The following KLHL36 variants were observed in gnomAD, a reference collection of about 807,000 sequenced individuals.
The protein encoded by KLHL36 is kelch like family member 36.
In KLHL36, 35 loss-of-function variants were observed where a neutral mutation model predicts 53.3. The ratio of observed to expected loss-of-function variants is 0.66; its 90% CI spans 0.50 to 0.87. The LOEUF (loss-of-function observed/expected upper bound fraction) is 0.87, where lower values mean the gene tolerates loss of function less well. Ranked by LOEUF, KLHL36 falls within the 40% of genes least tolerant of loss-of-function variation. The probability of loss-of-function intolerance (pLI) is 0.00; values close to 1 mark genes in which losing one functional copy is unlikely to be tolerated. For synonymous variants in KLHL36, 472 were observed against 398.9 expected (o/e 1.18, Z -2.18); for missense variants, 864 against 897.6 (o/e 0.96, Z 0.48).
chr16:84,661,515 C>G lies in KLHL36; in HGVS notation c.1296-63C>G, dbSNP rs1176697102. Reference sequence around the variant, plus strand: ...TAAGACGGCAGGCTGTTCCCCGGCTCGGAGGGGGTAAGCCTGGCACAGCCC... The same window carrying G: ...TAAGACGGCAGGCTGTTCCCCGGCTGGGAGGGGGTAAGCCTGGCACAGCCC... On this transcript the variant is annotated intron_variant, in intron 4 of 4. Transcript: ENST00000564996. This position sits in a 1 kb window ranked among gnomAD's most constrained non-coding sequence, Gnocchi z 7.9. 19 of 1,482,718 alleles carry G rather than the reference C, an allele frequency of 1.3e-5. No individual in the cohort carries two copies. The South Asian group carries it at 2.5e-4, about 19-fold the overall frequency. The allele number at this position is 1,482,718 out of a possible 1,614,324, so 91.8% of individuals were successfully genotyped here.
chr16:84,658,004 A>C (rs1907325111), intron 3 of KLHL36, 60 bp downstream of exon 3: 1 of 1,284,452 alleles, frequency 7.8e-7, no homozygotes, highest in South Asian at 1.7e-5. Context: ...TCCTTAACCT[A>C]GCCTTGACTT....
intron 3 of KLHL36, 128 bp downstream of exon 3, chr16:84,658,072 A>C: frequency 1.3e-6 from 1 of 752,100 alleles, no homozygotes; most frequent in Non-Finnish European, 2.1e-6. Context: ...TGTGATGATA[A>C]AGTGACGAGC....
Position 84,648,521 on chromosome 16 carries a change from C to T in KLHL36, c.-145C>T, listed in dbSNP as rs1184508785. 1 of 147,332 alleles carries T rather than the reference C, an allele frequency of 6.8e-6. No individual in the cohort carries two copies. Among genetic ancestry groups the T allele is most frequent in the Non-Finnish European group, 1.5e-5 (1 of 65,860 alleles). 9.1% of individuals were successfully genotyped at this position (147,332 alleles called of 1,614,324 possible). A position where few individuals can be genotyped will look rare whatever the true frequency, so the allele number is the denominator to read the frequency against. ...CGCGCCGCCTCCGCCCTCGGCCTCGCACTTCCTGGCGGAGCCATGGCTGCG... is the reference window on the plus strand; with the variant it reads ...CGCGCCGCCTCCGCCCTCGGCCTCGTACTTCCTGGCGGAGCCATGGCTGCG... On this transcript the variant is annotated 5_prime_UTR_variant, in exon 1 of 5. Coordinates refer to ENST00000564996, the MANE Select transcript of KLHL36 (RefSeq NM_024731.4). This position sits in a 1 kb window ranked among gnomAD's most constrained non-coding sequence, Gnocchi z 4.9.
chr16:84,655,107 A>G (rs1317658269), intron 2 of KLHL36, among the ~76,000 whole-genome samples: 2 of 152,248 alleles, frequency 1.3e-5, no homozygotes, highest in East Asian at 3.8e-4. Context: ...CCAGCCTGGA[A>G]TGGAAGAGCG....
rs79610925 is a variant in KLHL36 at position 84,662,440 on chromosome 16, G to A, written c.*307G>A. On this transcript the variant is annotated 3_prime_UTR_variant, in exon 5 of 5. Coordinates refer to ENST00000564996, the MANE Select transcript of KLHL36 (RefSeq NM_024731.4). ...CTGTCCCCCTGAGAGTAGCTGGCAC[G>A]TGGGTAACACAGAAATTTCTGTAGT... is the stretch of plus-strand genomic sequence containing the variant. The A allele has an allele frequency of 0.013, 3,163 of 243,356 alleles. 30 individuals are homozygous for A. Among genetic ancestry groups the A allele is most frequent in the Non-Finnish European group, 0.019 (2,367 of 125,502 alleles). The allele number at this position is 243,356 out of a possible 1,614,324, so 15.1% of individuals were successfully genotyped here.
rs1378934424 is a variant in KLHL36, at chr16:84,661,216, T to G, written c.1296-362T>G. Among the ~76,000 whole-genome samples the G allele has an allele frequency of 2.0e-5, 3 of 152,214 alleles. No individual in the cohort carries two copies. The highest frequency in any genetic ancestry group is 2.9e-5 in the Non-Finnish European group (2 of 68,046). ...TGTATGTCGTATTTCCTCTTTGATG[T>G]GTGATTCATCGGGTGCATGTGTGCC... On this transcript the variant is annotated intron_variant, in intron 4 of 4. Transcript: ENST00000564996. The surrounding 1 kb of genome is among the most constrained non-coding windows in gnomAD (Gnocchi z 7.9).
rs990596501 is a variant in KLHL36, at chr16:84,663,482, G to A, written c.*1349G>A. 2.6e-5 allele frequency: 4 copies of A among 152,090 alleles called. No individual in the cohort carries two copies. Among genetic ancestry groups the A allele is most frequent in the African/African-American group, 9.7e-5 (4 of 41,378 alleles). 9.4% of individuals were successfully genotyped at this position (152,090 alleles called of 1,614,324 possible). A position where few individuals can be genotyped will look rare whatever the true frequency, so the allele number is the denominator to read the frequency against. On this transcript the variant is annotated 3_prime_UTR_variant, in exon 5 of 5. Coordinates refer to ENST00000564996, the MANE Select transcript of KLHL36 (RefSeq NM_024731.4). ...TGCAGAACTATGGGAGGATAGGAGT[G>A]TGATGGGTTTTAAGCATGAGCCAAG... is the stretch of plus-strand genomic sequence containing the variant.
intron 4 of KLHL36, among the ~76,000 whole-genome samples, chr16:84,660,648 G>GTC (rs1907493580): frequency 6.6e-6 from 1 of 152,104 alleles, no homozygotes. Flanking sequence ...CTGAGAGAGA[G>GTC]TCTCTCTCTG....
chr16:84,662,082 G>C lies in KLHL36; in HGVS notation c.1800G>C (p.Glu600Asp). 7 of 1,574,072 alleles carry C rather than the reference G, an allele frequency of 4.4e-6. No individual in the cohort carries two copies. The highest frequency in any genetic ancestry group is 6.0e-6 in the Non-Finnish European group (7 of 1,158,458). Residue 600 changes from glutamate to aspartate, a missense_variant, in exon 5 of 5, where the codon GAG becomes GAC. Transcript: ENST00000564996. ...ACVCALEPRP[E>D]DKKKKGKGKR... Reference sequence around the variant, plus strand: ...TCTGCGCCCTGGAGCCACGGCCAGAGGACAAGAAGAAGAAAGGCAAAGGCA... The same window carrying C: ...TCTGCGCCCTGGAGCCACGGCCAGACGACAAGAAGAAGAAAGGCAAAGGCA...
Position 84,661,459 on chromosome 16 carries a change from C to G in KLHL36, c.1296-119C>G. 1 of 995,630 alleles carries G rather than the reference C, an allele frequency of 1.0e-6. No homozygotes were observed. Among genetic ancestry groups the G allele is most frequent in the Non-Finnish European group, 1.5e-6 (1 of 675,006 alleles). The allele number at this position is 995,630 out of a possible 1,614,324, so 61.7% of individuals were successfully genotyped here. ...CTATAGAGTGTTCATGGGGTGCCCA[C>G]TCCCTATATTCTTAAATCCTCATGG... On this transcript the variant is annotated intron_variant, in intron 4 of 4. Transcript: ENST00000564996. The surrounding 1 kb of genome is among the most constrained non-coding windows in gnomAD (Gnocchi z 7.9).
Position 84,657,776 on chromosome 16 carries a change from G to A in KLHL36, c.969G>A (p.Glu323=), listed in dbSNP as rs768258861. The A allele has an allele frequency of 3.1e-6, 5 of 1,610,698 alleles. No individual in the cohort carries two copies. The South Asian group carries it at 4.4e-5, about 14-fold the overall frequency. The change falls in exon 3 of 5, where the codon GAG becomes GAA. Residue 323 remains glutamate, a synonymous_variant. Coordinates refer to ENST00000564996, the MANE Select transcript of KLHL36 (RefSeq NM_024731.4). ...DDTCYLDAKS[E]QWVKETPLPA... ...CCTGCTACCTGGACGCCAAGAGCGA[G>A]CAGTGGGTCAAAGAGACGCCGCTGC...
chr16:84,654,202 G>A (rs560929259), intron 2 of KLHL36, among the ~76,000 whole-genome samples: 15 of 152,338 alleles, frequency 9.8e-5, no homozygotes, highest in East Asian at 7.7e-4. Flanking sequence ...GCAGATAGCC[G>A]CCTCATGCCC....
rs1423784227 is a variant in KLHL36 at position 84,667,070 on chromosome 16, A to AAAAGAAAAGG, written c.*4940_*4941insGAAAAGGAAA. The stretch of plus-strand genomic sequence containing the variant: ...GAGTAAGACTGTCTCAAAAAAAAAA[A>AAAAGAAAAGG]AAAAAAAGAAAAGAAATTGTCCTTT... On this transcript the variant is annotated 3_prime_UTR_variant, in exon 5 of 5. Coordinates refer to ENST00000564996, the MANE Select transcript of KLHL36 (RefSeq NM_024731.4). The AAAAGAAAAGG allele has an allele frequency of 1.7e-4, 7 of 40,582 alleles. No homozygotes were observed. The highest frequency in any genetic ancestry group is 1.2e-3 in the African/African-American group (7 of 5,958). 2.5% of individuals were successfully genotyped at this position (40,582 alleles called of 1,614,324 possible).
Position 84,661,972 on chromosome 16 carries a change from A to G in KLHL36, c.1690A>G (p.Thr564Ala). ...YSWENTAFSK[T>A]VQVYDREADK... ...CTGGGAGAACACTGCCTTCTCCAAG[A>G]CCGTGCAGGTGTACGACCGCGAGGC... The change falls in exon 5 of 5, where the codon ACC becomes GCC. Residue 564 changes from threonine to alanine, a missense_variant. Thr to Ala is a moderately conservative substitution (Grantham distance 58). Coordinates refer to ENST00000564996, the MANE Select transcript of KLHL36 (RefSeq NM_024731.4). This position sits in a 1 kb window ranked among gnomAD's most constrained non-coding sequence, Gnocchi z 7.9. 3 of 1,599,302 alleles carry G rather than the reference A, an allele frequency of 1.9e-6. No homozygotes were observed. Among genetic ancestry groups the G allele is most frequent in the Non-Finnish European group, 2.6e-6 (3 of 1,174,214 alleles).
At position 84,648,793 on chromosome 16, in the gene KLHL36, G is replaced by A. The variant is rs1049908934; in HGVS notation, c.-17+144G>A. 3 of 149,246 alleles carry A rather than the reference G, an allele frequency of 2.0e-5. No individual in the cohort carries two copies. Among genetic ancestry groups the A allele is most frequent in the African/African-American group, 7.3e-5 (3 of 41,064 alleles). The allele number at this position is 149,246 out of a possible 1,614,324, so 9.2% of individuals were successfully genotyped here. Reference sequence around the variant, plus strand: ...TGCGCCCCTTGGTGCCGGGGCGGGCGGGTGGGCGAGTGGGGGCGCCGCGGC... The same window carrying A: ...TGCGCCCCTTGGTGCCGGGGCGGGCAGGTGGGCGAGTGGGGGCGCCGCGGC... On this transcript the variant is annotated intron_variant, in intron 1 of 4. Transcript: ENST00000564996. The surrounding 1 kb of genome is among the most constrained non-coding windows in gnomAD (Gnocchi z 4.9).
intron 3 of KLHL36, chr16:84,659,079 G>C (rs1907392204): frequency 6.6e-6 from 1 of 152,162 alleles, no homozygotes; most frequent in Non-Finnish European, 1.5e-5. Context: ...TCGGCTAATT[G>C]CAACCTCTGC....
intron 2 of KLHL36, among the ~76,000 whole-genome samples, 159 bp from the exon 3 acceptor site, chr16:84,656,712 C>T (rs768226819): frequency 4.0e-5 from 6 of 151,646 alleles, no homozygotes; most frequent in Non-Finnish European, 5.9e-5. Flanking sequence ...CACAGGCATA[C>T]TCAGAAACAC....
chr16:84,660,868 C>T (rs1907506287), intron 4 of KLHL36, among the ~76,000 whole-genome samples: 1 of 152,178 alleles, frequency 6.6e-6, no homozygotes, highest in South Asian at 2.1e-4. Context: ...GAGATCCACC[C>T]ACCTCACCCT....
In KLHL36 at chr16:84,661,521, G is replaced by C; in HGVS notation, c.1296-57G>C. The C allele has an allele frequency of 8.0e-6, 12 of 1,506,624 alleles. No individual in the cohort carries two copies. In the South Asian group the frequency reaches 1.3e-4, roughly 16 times the overall value. The allele number at this position is 1,506,624 out of a possible 1,614,324, so 93.3% of individuals were successfully genotyped here. Reference sequence around the variant, plus strand: ...GGCAGGCTGTTCCCCGGCTCGGAGGGGGTAAGCCTGGCACAGCCCTGAGCT... The same window carrying C: ...GGCAGGCTGTTCCCCGGCTCGGAGGCGGTAAGCCTGGCACAGCCCTGAGCT... On this transcript the variant is annotated intron_variant, in intron 4 of 4. Transcript: ENST00000564996. This position sits in a 1 kb window ranked among gnomAD's most constrained non-coding sequence, Gnocchi z 7.9.
Sources: allele counts gnomAD v4.1 joint callset (sites outside exome capture counted in the v4.1 genomes callset), GRCh38; gene constraint gnomAD v4.1.1; non-coding constraint Gnocchi (gnomAD v3.1); transcripts MANE v1.5; gene names NCBI Gene and HGNC (gene_info 2026-07-23, HGNC 2026-07-21).